Variants in NCOR2 observed in about 807,000 individuals in gnomAD.
NCOR2 encodes the protein CTG repeat protein 26.
A neutral mutation model predicts 262.9 loss-of-function variants in NCOR2; 81 were observed. That is an observed-to-expected ratio of 0.31 (90% CI 0.26 to 0.37). The LOEUF (loss-of-function observed/expected upper bound fraction) is 0.37, where lower values mean the gene tolerates loss of function less well. Ranked by LOEUF, NCOR2 falls within the 10% of genes least tolerant of loss-of-function variation. NCOR2 has a pLI of 1.00. For missense variants in NCOR2, 3,385 were observed against 3,621.4 expected, an observed-to-expected ratio of 0.93 and a Z score of 1.68; for synonymous variants, 1,659 against 1,559.3, an observed-to-expected ratio of 1.06 and a Z score of -1.51.
chr12:124,456,332 A>G lies in NCOR2; in HGVS notation c.762+774T>C, dbSNP rs771013368. 7.8e-4 allele frequency among the ~76,000 whole-genome samples: 118 copies of G among 152,220 alleles called. 1 individual carries two copies. Among genetic ancestry groups the G allele is most frequent in the Non-Finnish European group, 1.5e-3 (102 of 68,038 alleles). ...ATGCTGACCAGCTCAGTGGGCACAG[A>G]TGGCTGTGGGGCAGGCAGGGGCTGC... On this transcript the variant is annotated intron_variant, in intron 6 of 46. Coordinates refer to ENST00000405201, the Ensembl canonical transcript of NCOR2.
intron 7 of NCOR2, among the ~76,000 whole-genome samples, chr12:124,449,177 A>G (rs1029005445): frequency 1.4e-4 from 21 of 152,114 alleles, no homozygotes; most frequent in African/African-American, 5.1e-4. Context: ...TTGAAGATAC[A>G]ATGCTACCAG....
intron 1 of NCOR2, among the ~76,000 whole-genome samples, chr12:124,511,134 A>G (rs141945505): frequency 6.6e-6 from 1 of 152,282 alleles, no homozygotes; most frequent in Non-Finnish European, 1.5e-5. Context: ...AAACAGAGAG[A>G]CTGAGGCTGA....
upstream of NCOR2, among the ~76,000 whole-genome samples, chr12:124,495,978 G>A (rs1283275037): frequency 6.6e-6 from 1 of 152,150 alleles, no homozygotes; most frequent in Non-Finnish European, 1.5e-5. The surrounding 1 kb of genome is among the most constrained non-coding windows in gnomAD (Gnocchi z 4.4). Flanking sequence ...GCTACACCAG[G>A]AAGAGCCAAG....
chr12:124,333,891 T>TGTGCGCGCACATGTGTGTGG lies in NCOR2; in HGVS notation c.6605+532_6605+533insCCACACACATGTGCGCGCAC, dbSNP rs1566353577. Among the ~76,000 whole-genome samples the TGTGCGCGCACATGTGTGTGG allele has an allele frequency of 1.4e-5, 2 of 143,754 alleles. 1 individual carries two copies. Among genetic ancestry groups the TGTGCGCGCACATGTGTGTGG allele is most frequent in the Non-Finnish European group, 3.0e-5 (2 of 66,716 alleles). 94.3% of individuals were successfully genotyped at this position (143,754 alleles called of 152,430 possible). On this transcript the variant is annotated intron_variant, in intron 41 of 46. Transcript: ENST00000405201. Reference sequence around the variant, plus strand: ...GCGCATGTGTGCGGGTGTGCATGTGTGTGTGCGCGCGCATGTGTGCGGGTG... The same window carrying TGTGCGCGCACATGTGTGTGG: ...GCGCATGTGTGCGGGTGTGCATGTGTGTGCGCGCACATGTGTGTGGGTGTGCGCGCGCATGTGTGCGGGTG...
chr12:124,491,027 C>T (rs986313840), intron 1 of NCOR2, among the ~76,000 whole-genome samples: 2 of 152,254 alleles, frequency 1.3e-5, no homozygotes, highest in Non-Finnish European at 2.9e-5. Flanking sequence ...CACACTAGGG[C>T]CCAAGGCCAA....
At chr12:124,388,881 G>GGAGC (rs1288229865) in intron 16 of NCOR2, 3 of 800,002 alleles carry the variant, frequency 3.7e-6, no homozygotes, top group Non-Finnish European at 4.9e-6. Context: ...AGGGAGGGAG[G>GGAGC]GAGGGAGGGA....
chr12:124,551,400 G>C (rs2137259627), intron 1 of NCOR2, among the ~76,000 whole-genome samples: 1 of 152,350 alleles, frequency 6.6e-6, no homozygotes, highest in African/African-American at 2.4e-5. Flanking sequence ...AGGTTCCCAG[G>C]CCGTGCAGCG....
intron 3 of NCOR2, among the ~76,000 whole-genome samples, chr12:124,479,367 A>G (rs1353650414): frequency 1.3e-5 from 2 of 151,930 alleles, no homozygotes; most frequent in Admixed American, 1.3e-4. Flanking sequence ...ACACATGCAC[A>G]CTCACGCACA....
chr12:124,514,960 C>T (rs2049632201), intron 1 of NCOR2: 1 of 152,416 alleles, frequency 6.6e-6, no homozygotes, highest in African/African-American at 2.4e-5. Context: ...CTCTCCAGAC[C>T]CTAAGCTACG....
intron 14 of NCOR2, among the ~76,000 whole-genome samples, chr12:124,401,949 C>A (rs2042007822): frequency 6.6e-6 from 1 of 152,186 alleles, no homozygotes; most frequent in Non-Finnish European, 1.5e-5. Context: ...CCTTGATCTG[C>A]AAGAACTCAC....
chr12:124,524,770 G>C (rs1593974062), intron 1 of NCOR2, among the ~76,000 whole-genome samples: 1 of 152,212 alleles, frequency 6.6e-6, no homozygotes, highest in Non-Finnish European at 1.5e-5. Flanking sequence ...TGGCCTGATG[G>C]AAGACTAATT....
intron 13 of NCOR2, among the ~76,000 whole-genome samples, chr12:124,417,441 G>A (rs1301430245): frequency 6.6e-6 from 1 of 152,152 alleles, no homozygotes; most frequent in Non-Finnish European, 1.5e-5. Flanking sequence ...CTCTCACACA[G>A]GGGGAGGGGA....
At chr12:124,382,747 G>A (rs1240867770) in intron 17 of NCOR2, among the ~76,000 whole-genome samples, 2 of 152,260 alleles carry the variant, frequency 1.3e-5, no homozygotes, top group Non-Finnish European at 2.9e-5. Flanking sequence ...TACAGCAGGC[G>A]CTGAATATGG....
chr12:124,532,257 G>C (rs896896762), intron 1 of NCOR2, among the ~76,000 whole-genome samples: 3 of 151,132 alleles, frequency 2.0e-5, no homozygotes, highest in Non-Finnish European at 4.4e-5. Flanking sequence ...ACTCAGAAAA[G>C]GCTGCACCCC....
chr12:124,558,741 G>A (rs1308777684), intron 1 of NCOR2, among the ~76,000 whole-genome samples: 8 of 152,146 alleles, frequency 5.3e-5, no homozygotes, highest in South Asian at 2.1e-4. Context: ...GTGGGCCCAC[G>A]AGTCACAGTC....
At chr12:124,415,042 G>A (rs1422669976) in intron 13 of NCOR2, among the ~76,000 whole-genome samples, 1 of 152,192 alleles carries the variant, frequency 6.6e-6, no homozygotes, top group Admixed American at 6.5e-5. Context: ...ACAGGGCAGT[G>A]GCTCCCCAGC....
intron 1 of NCOR2, among the ~76,000 whole-genome samples, chr12:124,562,487 G>A (rs1419323198): frequency 6.6e-6 from 1 of 152,220 alleles, no homozygotes; most frequent in Non-Finnish European, 1.5e-5. Context: ...CAGAGGGGAA[G>A]CTCAGCCCTC....
intron 3 of NCOR2, among the ~76,000 whole-genome samples, chr12:124,474,573 C>A (rs867246604): frequency 6.6e-6 from 1 of 152,168 alleles, no homozygotes; most frequent in Non-Finnish European, 1.5e-5. Flanking sequence ...ACCTGTGCAG[C>A]CCTGGGTTCA....
Position 124,400,394 on chromosome 12 carries a change from C to A in NCOR2, c.1813+107G>T. ...TGACTCCAACCATGACTTACACCAA[C>A]CCCTTGGCTGTTGCCAATTAACTCA... On this transcript the variant is annotated intron_variant, in intron 15 of 46. Coordinates refer to ENST00000405201, the Ensembl canonical transcript of NCOR2. 9.7e-6 allele frequency: 14 copies of A among 1,450,204 alleles called. No individual in the cohort carries two copies. The South Asian group carries it at 1.5e-4, about 16-fold the overall frequency. The allele number at this position is 1,450,204 out of a possible 1,614,324, so 89.8% of individuals were successfully genotyped here. A position where few individuals can be genotyped will look rare whatever the true frequency, so the allele number is the denominator to read the frequency against.
Sources: allele counts gnomAD v4.1 joint callset (sites outside exome capture counted in the v4.1 genomes callset), GRCh38; gene constraint gnomAD v4.1.1; non-coding constraint Gnocchi (gnomAD v3.1); transcripts MANE v1.5; gene names NCBI Gene and HGNC (gene_info 2026-07-23, HGNC 2026-07-21).